Variants in ACTR1A observed in about 807,000 individuals in gnomAD.
The protein encoded by ACTR1A is actin related protein 1A.
Under a neutral mutation model 50.7 loss-of-function variants are expected in ACTR1A, and 10 were observed. The observed-to-expected ratio is 0.20, with a 90% CI of 0.12 to 0.33. ACTR1A has a LOEUF of 0.33. Among genes scored for constraint, ACTR1A ranks in the 10% least tolerant of loss-of-function variants. ACTR1A has a pLI of 1.00. For missense variants in ACTR1A, 253 were observed against 491.7 expected (o/e 0.51, Z 4.59); for synonymous variants, 177 against 184.2 (o/e 0.96, Z 0.32).
intron 5 of ACTR1A, among the ~76,000 whole-genome samples, chr10:102,485,114 T>C (rs150716128): frequency 2.0e-3 from 312 of 152,304 alleles, no homozygotes; most frequent in Middle Eastern, 0.014. Context: ...AAATCCCACG[T>C]GTAGGTCACT....
At position 102,490,599 on chromosome 10, in the gene ACTR1A, A is replaced by C; in HGVS notation, c.63T>G (p.Ile21Met). ...PVVIDNGSGV[I>M]KAGFAGDQIP... is the part of the protein sequence containing the mutation. ...TCTGATCACCAGCAAAACCAGCTTT[A>C]ATCACACCGGATCCCTGAGGAAAGA... Residue 21 changes from isoleucine to methionine, a missense_variant, in exon 2 of 11, where the codon ATT (isoleucine) becomes ATG (methionine). Ile to Met is a conservative substitution (Grantham distance 10). This residue lies in a region of ACTR1A where 96 missense variants were observed against 238.7 expected (regional missense o/e 0.40). Coordinates refer to ENST00000369905, the MANE Select transcript of ACTR1A (RefSeq NM_005736.4). 2 of 1,613,448 alleles carry C rather than the reference A, an allele frequency of 1.2e-6. No individual in the cohort carries two copies. Among genetic ancestry groups the C allele is most frequent in the Non-Finnish European group, 1.7e-6 (2 of 1,179,386 alleles).
intron 6 of ACTR1A, chr10:102,483,411 C>T: frequency 3.0e-6 from 1 of 331,700 alleles, no homozygotes; most frequent in Admixed American, 4.5e-5. Context: ...TCTCCTTCTA[C>T]CACTCATATG....
chr10:102,488,287 G>A lies in ACTR1A; in HGVS notation c.190-12C>T, dbSNP rs1290259668. 1 of 1,612,180 alleles carries A rather than the reference G, an allele frequency of 6.2e-7. No individual in the cohort carries two copies. The highest frequency in any genetic ancestry group is 1.3e-5 in the African/African-American group (1 of 75,022). ...AGCCCTCGGTGCTCCTGGGAAAAGA[G>A]AACAGGACTTACGACTGCAGTCAGG... On this transcript the variant is annotated splice_polypyrimidine_tract_variant and intron_variant, in intron 3 of 10. Transcript: ENST00000369905. This position sits in a 1 kb window ranked among gnomAD's most constrained non-coding sequence, Gnocchi z 4.4.
intron 1 of ACTR1A, among the ~76,000 whole-genome samples, chr10:102,499,778 G>A (rs548831546): frequency 1.5e-4 from 23 of 152,210 alleles, no homozygotes; most frequent in Non-Finnish European, 3.2e-4. Flanking sequence ...GACAGAAATC[G>A]TAGTGCTCTC....
rs1421209455 is a variant in ACTR1A, at chr10:102,482,683, G to C, written c.750+328C>G. 5.9e-6 allele frequency: 2 copies of C among 337,670 alleles called. No individual in the cohort carries two copies. The highest frequency in any genetic ancestry group is 9.3e-4 in the Middle Eastern group (1 of 1,076). The allele number at this position is 337,670 out of a possible 1,614,324, so 20.9% of individuals were successfully genotyped here. A position where few individuals can be genotyped will look rare whatever the true frequency, so the allele number is the denominator to read the frequency against. ...TGCTCCAGAGAGAGGGTGTAAGGCT[G>C]GGGTGTCCAGTCTTTTGGCTTCCCT... On this transcript the variant is annotated intron_variant, in intron 7 of 10. Transcript: ENST00000369905. This position sits in a 1 kb window ranked among gnomAD's most constrained non-coding sequence, Gnocchi z 5.6.
intron 9 of ACTR1A, 130 bp downstream of exon 9, chr10:102,481,707 G>C: frequency 9.2e-7 from 1 of 1,087,006 alleles, no homozygotes; most frequent in Non-Finnish European, 1.4e-6. Flanking sequence ...TACAGGCTGG[G>C]AACCTGGCGC....
chr10:102,489,617 C>A (rs191125031), intron 2 of ACTR1A, among the ~76,000 whole-genome samples: 1 of 151,734 alleles, frequency 6.6e-6, no homozygotes, highest in Non-Finnish European at 1.5e-5. Context: ...AGTTTGAGAC[C>A]AGCCTGGCCA....
chr10:102,481,207 C>A lies in ACTR1A; in HGVS notation c.988-35G>T, dbSNP rs191057369. The stretch of plus-strand genomic sequence containing the variant: ...TGGGGGAAAGAGGAATCTGAGACTT[C>A]CAGCCCTCCCGCTCCCTTTCCCTAC... On this transcript the variant is annotated intron_variant, in intron 9 of 10. Transcript: ENST00000369905. The A allele has an allele frequency of 1.6e-4, 244 of 1,551,972 alleles. 2 individuals carry two copies. In the East Asian group the frequency reaches 3.9e-3, roughly 25 times the overall value.
chr10:102,487,939 G>A (rs1335225397), intron 4 of ACTR1A, among the ~76,000 whole-genome samples: 2 of 152,066 alleles, frequency 1.3e-5, no homozygotes, highest in African/African-American at 4.8e-5. Flanking sequence ...CCACGACTTG[G>A]CTTTTCTGAA....
At chr10:102,495,807 C>A (rs943976963) in intron 1 of ACTR1A, among the ~76,000 whole-genome samples, 1 of 134,956 alleles carries the variant, frequency 7.4e-6, no homozygotes, top group African/African-American at 2.8e-5. Context: ...GTCGCCCAGG[C>A]TGGAGTGCAG....
At chr10:102,483,147 G>A (rs903899551) in intron 6 of ACTR1A, 44 bp from the exon 7 acceptor site, 8 of 1,452,928 alleles carry the variant, frequency 5.5e-6, no homozygotes, top group African/African-American at 1.4e-5. Flanking sequence ...GAAATCTGGT[G>A]CACATCCAGT....
At chr10:102,498,760 A>G (rs979105656) in intron 1 of ACTR1A, among the ~76,000 whole-genome samples, 2 of 151,322 alleles carry the variant, frequency 1.3e-5, no homozygotes, top group South Asian at 2.1e-4. Flanking sequence ...GGAGTAAGCC[A>G]CCACATTTGG....
At position 102,488,261 on chromosome 10, in the gene ACTR1A, C is replaced by A. The variant is rs757013812; in HGVS notation, c.204G>T (p.Leu68=). The change falls in exon 4 of 11, where the codon CTG becomes CTT. Residue 68 remains leucine (L), a synonymous_variant. Coordinates refer to ENST00000369905, the MANE Select transcript of ACTR1A (RefSeq NM_005736.4). This position sits in a 1 kb window ranked among gnomAD's most constrained non-coding sequence, Gnocchi z 4.4. ...GCTCCATGGGATAGCGGATTGAAAG[C>A]AGCCCTCGGTGCTCCTGGGAAAAGA... ...IGPKAEEHRG[L]LSIRYPMEHG... 1.4e-5 allele frequency: 22 copies of A among 1,613,672 alleles called. No homozygotes were observed. In the Middle Eastern group the frequency reaches 6.6e-4, roughly 48 times the overall value.
rs2062133132 is a variant in ACTR1A, at chr10:102,480,471, G to A, written c.*392C>T. On this transcript the variant is annotated 3_prime_UTR_variant, in exon 11 of 11. Transcript: ENST00000369905. ...GGGCCTCAGGGCACCCTGGGGGTGGGGGTGAGGGTGGGGCCAGCCCAGCCT... is the reference window on the plus strand; with the variant it reads ...GGGCCTCAGGGCACCCTGGGGGTGGAGGTGAGGGTGGGGCCAGCCCAGCCT... 9.4e-6 allele frequency: 2 copies of A among 213,346 alleles called. No homozygotes were observed. The highest frequency in any genetic ancestry group is 8.4e-5 in the South Asian group (1 of 11,916). The allele number at this position is 213,346 out of a possible 1,614,324, so 13.2% of individuals were successfully genotyped here.
Position 102,483,079 on chromosome 10 carries a change from G to A in ACTR1A, c.682C>T (p.Pro228Ser), listed in dbSNP as rs756711293. Residue 228 changes from proline to serine, a missense_variant, in exon 7 of 11, where the codon CCC becomes TCC. Transcript: ENST00000369905. The stretch of plus-strand genomic sequence containing the variant: ...GTCTCTAGCGTCTCATCCTTTTGGG[G>A]GTTTATGGATAGGTAACAGGCTCTC... ...KERACYLSIN[P>S]QKDETLETEK... The A allele has an allele frequency of 6.2e-7, 1 of 1,614,142 alleles. No homozygotes were observed. Among genetic ancestry groups the A allele is most frequent in the Non-Finnish European group, 8.5e-7 (1 of 1,179,994 alleles).
chr10:102,502,457 G>A (rs1407660439), intron 1 of ACTR1A, 143 bp downstream of exon 1: 35 of 826,630 alleles, frequency 4.2e-5, no homozygotes, highest in East Asian at 5.1e-5. Context: ...GTGATAAGGG[G>A]AGGAAGGAGG....
rs1564648594 is a variant in ACTR1A, at chr10:102,485,738, TG to T, written c.316-6del. 6 of 1,613,746 alleles carry T rather than the reference TG, an allele frequency of 3.7e-6. No homozygotes were observed. The highest frequency in any genetic ancestry group is 1.3e-5 in the African/African-American group (1 of 74,912). On this transcript the variant is annotated splice_polypyrimidine_tract_variant and splice_region_variant and intron_variant, in intron 4 of 10. Transcript: ENST00000369905. ...CTCAGTCAGGAGCACAGGATGCTGGTGAAAGGAGCCCGGGAGACAATGAGGC... is the reference window on the plus strand; with the variant it reads ...CTCAGTCAGGAGCACAGGATGCTGGTAAAGGAGCCCGGGAGACAATGAGGC...
At chr10:102,493,159 C>T (rs2062203395) in intron 1 of ACTR1A, among the ~76,000 whole-genome samples, 1 of 152,172 alleles carries the variant, frequency 6.6e-6, no homozygotes, top group African/African-American at 2.4e-5. Flanking sequence ...CTGGGCAGTA[C>T]AACAAGGAGC....
chr10:102,502,155 GAAA>G (rs1349253572), intron 1 of ACTR1A, among the ~76,000 whole-genome samples: 2 of 152,216 alleles, frequency 1.3e-5, no homozygotes. Flanking sequence ...CTTCAAGAGG[GAAA>G]ACAATATGGC....
Sources: allele counts gnomAD v4.1 joint callset (sites outside exome capture counted in the v4.1 genomes callset), GRCh38; gene constraint gnomAD v4.1.1; regional missense constraint gnomAD v4.1.1; non-coding constraint Gnocchi (gnomAD v3.1); transcripts MANE v1.5; gene names NCBI Gene and HGNC (gene_info 2026-07-23, HGNC 2026-07-21).